TBX15: variants seen among roughly 807,000 people sequenced by gnomAD.
The protein encoded by TBX15 is T-box transcription factor TBX15.
TBX15 carries 18 observed loss-of-function variants against 53.9 expected under a neutral mutation model. The ratio of observed to expected loss-of-function variants is 0.33; its 90% CI spans 0.23 to 0.49. TBX15 has a LOEUF of 0.49. TBX15 is among the 20% of genes least tolerant of loss of function. TBX15 has a pLI of 0.98. For synonymous variants in TBX15, 295 were observed against 278.0 expected, an observed-to-expected ratio of 1.06 and a Z score of -0.61; for missense variants, 692 against 749.5, an observed-to-expected ratio of 0.92 and a Z score of 0.90.
At position 118,885,148 on chromosome 1, in the gene TBX15, A is replaced by G. The variant is rs1046205058; in HGVS notation, c.1393T>C (p.Tyr465His). The G allele has an allele frequency of 7.4e-6, 12 of 1,614,184 alleles. No homozygotes were observed. Among genetic ancestry groups the G allele is most frequent in the Non-Finnish European group, 1.0e-5 (12 of 1,180,018 alleles). Reference sequence around the variant, plus strand: ...GGAAAGGACCCCAGCTGGCCACCGTAGGCTTCCATCTTGCTGTTGCCAGGC... The same window carrying G: ...GGAAAGGACCCCAGCTGGCCACCGTGGGCTTCCATCTTGCTGTTGCCAGGC... ...SLPGNSKMEA[Y>H]GGQLGSFPTS... Residue 465 changes from tyrosine to histidine, a missense_variant, in exon 8 of 8, where the codon TAC becomes CAC. By Grantham distance (83) the Tyr-to-His change is moderately conservative. Transcript: ENST00000369429.
intron 1 of TBX15, 45 bp from the exon 2 acceptor site, chr1:118,931,877 C>A: frequency 1.3e-6 from 2 of 1,537,842 alleles, no homozygotes; most frequent in South Asian, 1.2e-5. Context: ...CTGCTGAGCT[C>A]CCCTCACCCA....
chr1:118,962,544 A>G (rs1016520773), intron 1 of TBX15, among the ~76,000 whole-genome samples: 1 of 152,224 alleles, frequency 6.6e-6, no homozygotes, highest in African/African-American at 2.4e-5. Flanking sequence ...AAAACTGATA[A>G]GGCTTCATGA....
At chr1:118,921,966 C>T (rs1374867587) in intron 5 of TBX15, among the ~76,000 whole-genome samples, 2 of 152,096 alleles carry the variant, frequency 1.3e-5, no homozygotes, top group African/African-American at 4.8e-5. Context: ...AGAACAAGTC[C>T]GAAAAGTATA....
At chr1:118,920,324 G>A (rs1187898067) in intron 5 of TBX15, among the ~76,000 whole-genome samples, 1 of 152,152 alleles carries the variant, frequency 6.6e-6, no homozygotes, top group Non-Finnish European at 1.5e-5. Flanking sequence ...AAAAGGAAAG[G>A]AAGTGGTAGG....
chr1:118,904,871 C>T (rs1654759236), intron 6 of TBX15, among the ~76,000 whole-genome samples: 1 of 152,184 alleles, frequency 6.6e-6, no homozygotes, highest in Non-Finnish European at 1.5e-5. Context: ...CTTCAAACTG[C>T]TACCCTGCTG....
At chr1:118,933,478 A>G (rs1460556020) in intron 1 of TBX15, among the ~76,000 whole-genome samples, 12 of 143,064 alleles carry the variant, frequency 8.4e-5, no homozygotes, top group Non-Finnish European at 1.4e-4. Context: ...AAAAAAAACT[A>G]TAAAGTTTTA....
At chr1:118,973,698 C>T (rs976896279) in intron 1 of TBX15, among the ~76,000 whole-genome samples, 3 of 152,062 alleles carry the variant, frequency 2.0e-5, no homozygotes, top group East Asian at 1.9e-4. Context: ...AATTCACCCA[C>T]GCAGGCTAGG....
At chr1:118,985,167 G>A (rs901787959) in intron 1 of TBX15, among the ~76,000 whole-genome samples, 1 of 151,900 alleles carries the variant, frequency 6.6e-6, no homozygotes, top group Non-Finnish European at 1.5e-5. Flanking sequence ...TCCTATTCCC[G>A]GTTTGTTATC....
intron 5 of TBX15, among the ~76,000 whole-genome samples, chr1:118,920,669 T>A (rs1318175692): frequency 3.3e-5 from 5 of 152,080 alleles, no homozygotes; most frequent in African/African-American, 1.2e-4. Context: ...TACAATGATG[T>A]ATAGGATGGC....
At chr1:118,980,907 A>T (rs1332356186) in intron 1 of TBX15, among the ~76,000 whole-genome samples, 1 of 151,670 alleles carries the variant, frequency 6.6e-6, no homozygotes, top group African/African-American at 2.4e-5. Context: ...ATCTCGGCTC[A>T]TTGCAACCTC....
At chr1:118,918,619 T>C (rs1351130059) in intron 5 of TBX15, among the ~76,000 whole-genome samples, 1 of 152,222 alleles carries the variant, frequency 6.6e-6, no homozygotes, top group East Asian at 1.9e-4. Context: ...AGCATTTTAC[T>C]TTACTGATTT....
At position 118,962,337 on chromosome 1, in the gene TBX15, A is replaced by G. The variant is rs75243173; in HGVS notation, c.205+25254T>C. On this transcript the variant is annotated intron_variant, in intron 1 of 7. Coordinates refer to ENST00000369429, the MANE Select transcript of TBX15 (RefSeq NM_001330677.2). ...ACTTCTGGTTGCCTACATAACCTCAAATCGTGCCTACATTTCCTCAATGCG... is the reference window on the plus strand; with the variant it reads ...ACTTCTGGTTGCCTACATAACCTCAGATCGTGCCTACATTTCCTCAATGCG... Among the ~76,000 whole-genome samples the G allele has an allele frequency of 7.9e-3, 1,198 of 152,284 alleles. 10 individuals are homozygous for G. Among genetic ancestry groups the G allele is most frequent in the Non-Finnish European group, 0.013 (882 of 68,014 alleles).
intron 6 of TBX15, among the ~76,000 whole-genome samples, chr1:118,909,740 GC>G (rs1654968597): frequency 6.6e-6 from 1 of 152,066 alleles, no homozygotes; most frequent in Admixed American, 6.6e-5. Flanking sequence ...GCGCCACCAT[GC>G]CCGGCTAATT....
rs1449624207 is a variant in TBX15 at position 118,915,886 on chromosome 1, T to TA, written c.862-1708dup. On this transcript the variant is annotated intron_variant, in intron 5 of 7. Coordinates refer to ENST00000369429, the MANE Select transcript of TBX15 (RefSeq NM_001330677.2). ...ACTTCATGGGCCCGGGGGAAATGGT[T>TA]AAAAATATATTTCCCACAGCTCATT... 5.9e-5 allele frequency among the ~76,000 whole-genome samples: 9 copies of TA among 152,312 alleles called. No homozygotes were observed. The East Asian group carries it at 1.7e-3, about 29-fold the overall frequency.
intron 1 of TBX15, among the ~76,000 whole-genome samples, chr1:118,953,210 C>T (rs1335245324): frequency 6.6e-6 from 1 of 152,184 alleles, no homozygotes; most frequent in Non-Finnish European, 1.5e-5. Flanking sequence ...GAACCTAACC[C>T]TCATAAATGA....
intron 1 of TBX15, among the ~76,000 whole-genome samples, chr1:118,973,912 T>G (rs1009711871): frequency 2.0e-5 from 3 of 152,302 alleles, no homozygotes; most frequent in African/African-American, 7.2e-5. Flanking sequence ...CAGAGATGCC[T>G]TAAATCTCTG....
intron 1 of TBX15, among the ~76,000 whole-genome samples, chr1:118,932,777 A>G (rs535474274): frequency 6.6e-6 from 1 of 152,278 alleles, no homozygotes; most frequent in East Asian, 1.9e-4. Flanking sequence ...GGAATTTTAA[A>G]TATTTACCTT....
intron 1 of TBX15, among the ~76,000 whole-genome samples, chr1:118,980,365 T>C (rs557114899): frequency 4.6e-5 from 7 of 152,298 alleles, no homozygotes; most frequent in African/African-American, 1.7e-4. Flanking sequence ...AGGTCTATAA[T>C]AATGACCTCT....
intron 1 of TBX15, among the ~76,000 whole-genome samples, chr1:118,938,008 G>T (rs1656020928): frequency 6.6e-6 from 1 of 152,134 alleles, no homozygotes; most frequent in African/African-American, 2.4e-5. Flanking sequence ...TGGGCTATCA[G>T]ATTTTATCGA....
Sources: allele counts gnomAD v4.1 joint callset (sites outside exome capture counted in the v4.1 genomes callset), GRCh38; gene constraint gnomAD v4.1.1; transcripts MANE v1.5; gene names NCBI Gene and HGNC (gene_info 2026-07-23, HGNC 2026-07-21).